The following DMD variants were observed in gnomAD, a reference collection of about 807,000 sequenced individuals.
DMD encodes the protein dystrophin.
In DMD, 63 loss-of-function variants were observed where a neutral mutation model predicts 330.1. That is an observed-to-expected ratio of 0.19 (90% CI 0.16 to 0.24). The LOEUF (loss-of-function observed/expected upper bound fraction) is 0.24, where lower values mean the gene tolerates loss of function less well. Among genes scored for constraint, DMD ranks in the 10% least tolerant of loss-of-function variants. The probability of loss-of-function intolerance (pLI) is 1.00; values close to 1 mark genes in which losing one functional copy is unlikely to be tolerated. For missense variants in DMD, 3,344 were observed against 2,684.1 expected (o/e 1.25, Z -5.43); for synonymous variants, 1,223 against 959.8 (o/e 1.27, Z -5.07).
chrX:31,834,539 AAG>A (rs2093149684), intron 49 of DMD, among the ~76,000 whole-genome samples: 2 of 111,689 alleles, frequency 1.8e-5, no homozygotes, highest in Admixed American at 1.9e-4. Context: ...TCTCGGGTTC[AAG>A]TGATTCTCCT....
intron 7 of DMD, among the ~76,000 whole-genome samples, chrX:32,703,229 G>A (rs6631633): frequency 1.6e-4 from 18 of 111,610 alleles, no homozygotes; most frequent in African/African-American, 3.9e-4. Flanking sequence ...CTAAGAATAC[G>A]CTCCTTTCAG....
intron 57 of DMD, among the ~76,000 whole-genome samples, chrX:31,483,095 G>A (rs976695286): frequency 1.1e-5 from 1 of 94,819 alleles, no homozygotes; most frequent in Non-Finnish European, 2.1e-5. Flanking sequence ...CGCCCAGGCT[G>A]GAGTGCAGTG....
At chrX:32,363,195 C>T (rs1370578908) in intron 36 of DMD, among the ~76,000 whole-genome samples, 2 of 111,562 alleles carry the variant, frequency 1.8e-5, no homozygotes, top group Non-Finnish European at 3.8e-5. Context: ...AATAGATCAC[C>T]GTCCTTAAGT....
At position 32,552,135 on chromosome X, in the gene DMD, G is replaced by C. The variant is rs191567583; in HGVS notation, c.1993-6801C>G. Reference sequence around the variant, plus strand: ...AAGAAAAAGACTATTTAAAAATTCAGTTGGAGCCACTAAAAGAGCCAGAAT... The same window carrying C: ...AAGAAAAAGACTATTTAAAAATTCACTTGGAGCCACTAAAAGAGCCAGAAT... On this transcript the variant is annotated intron_variant, in intron 16 of 78. Transcript: ENST00000357033. Among the ~76,000 whole-genome samples the C allele has an allele frequency of 3.2e-3, 362 of 111,792 alleles. 1 individual carries two copies. Among genetic ancestry groups the C allele is most frequent in the Admixed American group, 5.0e-3 (52 of 10,500 alleles).
chrX:32,617,041 T>A (rs775677726), intron 11 of DMD, among the ~76,000 whole-genome samples: 3 of 110,237 alleles, frequency 2.7e-5, no homozygotes, highest in Non-Finnish European at 5.7e-5. Context: ...GCTGTTCATG[T>A]TTGGCTCCTC....
intron 1 of DMD, among the ~76,000 whole-genome samples, chrX:33,247,284 T>A (rs924986299): frequency 8.1e-5 from 9 of 111,690 alleles, no homozygotes; most frequent in Non-Finnish European, 1.7e-4. Flanking sequence ...ATGTAACAGA[T>A]AACCTGAATT....
At chrX:32,174,011 T>A (rs1024886194) in intron 44 of DMD, among the ~76,000 whole-genome samples, 1 of 111,899 alleles carries the variant, frequency 8.9e-6, no homozygotes, top group South Asian at 3.7e-4. Flanking sequence ...ATAGAAAGAG[T>A]AGACAAGAGA....
At chrX:33,032,909 G>C (rs1383622450) in intron 1 of DMD, among the ~76,000 whole-genome samples, 2 of 112,083 alleles carry the variant, frequency 1.8e-5, no homozygotes, top group Non-Finnish European at 3.8e-5. Flanking sequence ...GTTTATGAAA[G>C]ATCAAGCCAA....
intron 44 of DMD, among the ~76,000 whole-genome samples, chrX:32,157,804 G>C (rs1394848411): frequency 8.9e-6 from 1 of 111,976 alleles, no homozygotes; most frequent in Non-Finnish European, 1.9e-5. Context: ...GGTGTGGTCT[G>C]CATCATGGAG....
At chrX:32,409,194 G>C (rs775844741) in intron 30 of DMD, among the ~76,000 whole-genome samples, 1 of 111,545 alleles carries the variant, frequency 9.0e-6, no homozygotes, top group Non-Finnish European at 1.9e-5. Flanking sequence ...TGTTTTAAGA[G>C]CTTTCAGATG....
chrX:32,785,464 G>A (rs865969502), intron 7 of DMD, among the ~76,000 whole-genome samples: 92 of 111,488 alleles, frequency 8.3e-4, no homozygotes, highest in African/African-American at 2.7e-3. Context: ...CACTACCTTT[G>A]CTATGTTCTT....
chrX:32,387,991 G>C (rs1187329178), intron 32 of DMD, among the ~76,000 whole-genome samples: 1 of 111,520 alleles, frequency 9.0e-6, no homozygotes, highest in Non-Finnish European at 1.9e-5. Flanking sequence ...TTTATAAATA[G>C]ACAAACATGT....
intron 7 of DMD, among the ~76,000 whole-genome samples, chrX:32,703,484 C>A (rs886458648): frequency 8.9e-6 from 1 of 111,872 alleles, no homozygotes; most frequent in Admixed American, 9.5e-5. Flanking sequence ...AAGCATTTAT[C>A]ACTTATTCCA....
chrX:32,838,835 A>T (rs913409930), intron 4 of DMD, among the ~76,000 whole-genome samples: 4 of 111,956 alleles, frequency 3.6e-5, no homozygotes, highest in Admixed American at 9.4e-5. Context: ...TGGGAATGTA[A>T]ATTAGTTCAA....
rs779016444 is a variant in DMD at position 32,468,064 on chromosome X, A to T, written c.3162+434T>A. ...TAAGTAGCAAAACAGCAGAAATGAA[A>T]GGTAATATAGGAAATAATCATATAC... On this transcript the variant is annotated intron_variant, in intron 23 of 78. Coordinates refer to ENST00000357033, the MANE Select transcript of DMD (RefSeq NM_004006.3). 2.7e-5 allele frequency among the ~76,000 whole-genome samples: 3 copies of T among 110,220 alleles called. No homozygotes were observed. In the East Asian group the frequency reaches 8.5e-4, roughly 31 times the overall value.
At chrX:32,054,924 A>G (rs1477102983) in intron 44 of DMD, among the ~76,000 whole-genome samples, 2 of 107,926 alleles carry the variant, frequency 1.9e-5, no homozygotes, top group African/African-American at 6.7e-5. Flanking sequence ...GACAAAGAAA[A>G]TAACCAGAGA....
chrX:32,912,735 T>C (rs1436469082), intron 2 of DMD, among the ~76,000 whole-genome samples: 2 of 111,389 alleles, frequency 1.8e-5, no homozygotes, highest in South Asian at 3.8e-4. Flanking sequence ...GTAATACATA[T>C]ATATGTAGCA....
At chrX:32,171,975 A>G (rs772819535) in intron 44 of DMD, among the ~76,000 whole-genome samples, 1 of 111,496 alleles carries the variant, frequency 9.0e-6, no homozygotes, top group African/African-American at 3.3e-5. Context: ...CTTCTCTATT[A>G]AGATAAAGGA....
intron 51 of DMD, among the ~76,000 whole-genome samples, chrX:31,768,621 T>C (rs1426773999): frequency 2.7e-5 from 3 of 111,513 alleles, no homozygotes; most frequent in Non-Finnish European, 5.7e-5. Flanking sequence ...TGATAGATTA[T>C]GTCAAAAAAG....
Sources: gnomAD v4.1 joint callset for allele counts (sites outside exome capture counted in the v4.1 genomes callset) on GRCh38, gnomAD v4.1.1 for gene constraint, MANE v1.5 for transcripts, NCBI Gene and HGNC (gene_info 2026-07-23, HGNC 2026-07-21) for gene names.